MAD1L1: variants seen among roughly 807,000 people sequenced by gnomAD.
MAD1L1 encodes the protein mitotic spindle assembly checkpoint protein MAD1.
Under a neutral mutation model 96.9 loss-of-function variants are expected in MAD1L1, and 95 were observed. That is an observed-to-expected ratio of 0.98 (90% CI 0.83 to 1.16). MAD1L1 has a LOEUF of 1.16. Ranked by LOEUF, MAD1L1 falls within the 50% of genes most tolerant of loss-of-function variation. The pLI is 0.00. For missense variants in MAD1L1, 1,007 were observed against 954.4 expected (o/e 1.06, Z -0.73); for synonymous variants, 473 against 396.6 (o/e 1.19, Z -2.29).
chr7:2,027,289 G>C (rs1426885808), intron 12 of MAD1L1, among the ~76,000 whole-genome samples: 2 of 152,112 alleles, frequency 1.3e-5, no homozygotes, highest in Non-Finnish European at 2.9e-5. Context: ...GGTTAAAGAA[G>C]AAATATCACC....
At chr7:2,005,036 C>T (rs1781969397) in intron 13 of MAD1L1, among the ~76,000 whole-genome samples, 2 of 152,216 alleles carry the variant, frequency 1.3e-5, no homozygotes, top group South Asian at 4.1e-4. Context: ...CTGCTTGGAG[C>T]AGCTCCCGTG....
intron 10 of MAD1L1, among the ~76,000 whole-genome samples, chr7:2,185,364 A>T (rs1368342191): frequency 6.6e-6 from 1 of 152,262 alleles, no homozygotes; most frequent in Non-Finnish European, 1.5e-5. Context: ...AATTGATTGA[A>T]GGGACGAGAA....
intron 10 of MAD1L1, among the ~76,000 whole-genome samples, chr7:2,170,513 C>T (rs1010791235): frequency 6.6e-6 from 1 of 152,172 alleles, no homozygotes; most frequent in Admixed American, 6.5e-5. Context: ...CAGGCAATGG[C>T]AGGAGGCTTC....
chr7:1,957,113 G>A (rs921823723), intron 16 of MAD1L1, among the ~76,000 whole-genome samples: 31 of 152,342 alleles, frequency 2.0e-4, no homozygotes, highest in African/African-American at 6.5e-4. Context: ...ACAGGCCAGC[G>A]CGGCTCGGAG....
chr7:2,033,392 C>A (rs7803310), intron 12 of MAD1L1, among the ~76,000 whole-genome samples: 29,045 of 152,190 alleles, frequency 0.19, 5,468 homozygotes, highest in African/African-American at 0.48. Flanking sequence ...GGCTGTGGGC[C>A]CCGAAGCAGT....
intron 13 of MAD1L1, among the ~76,000 whole-genome samples, chr7:2,009,397 G>C (rs1219753436): frequency 6.6e-6 from 1 of 152,226 alleles, no homozygotes. Flanking sequence ...CTAGGGGAAG[G>C]CAGCCCCACC....
At chr7:1,821,303 T>C (rs1002402211) in intron 18 of MAD1L1, among the ~76,000 whole-genome samples, 3 of 152,106 alleles carry the variant, frequency 2.0e-5, no homozygotes, top group Admixed American at 2.0e-4. Context: ...AAATCAAGTT[T>C]GTTCTAATTA....
chr7:1,873,169 C>T (rs1340912980), intron 18 of MAD1L1, among the ~76,000 whole-genome samples: 2 of 152,206 alleles, frequency 1.3e-5, no homozygotes, highest in East Asian at 3.9e-4. Flanking sequence ...GCCTCAGTGT[C>T]CCTTTTCATA....
chr7:2,161,895 G>A (rs1163695538), intron 10 of MAD1L1, among the ~76,000 whole-genome samples: 3 of 147,638 alleles, frequency 2.0e-5, no homozygotes, highest in African/African-American at 5.1e-5. Context: ...GAGGTGGGGG[G>A]CAGCCCCCGC....
intron 10 of MAD1L1, among the ~76,000 whole-genome samples, chr7:2,176,755 T>C (rs1790967284): frequency 6.6e-6 from 1 of 152,218 alleles, no homozygotes; most frequent in Non-Finnish European, 1.5e-5. Flanking sequence ...CACAGGACAC[T>C]GTCAACATAG....
At chr7:1,856,906 G>A (rs1279753094) in intron 18 of MAD1L1, among the ~76,000 whole-genome samples, 1 of 152,138 alleles carries the variant, frequency 6.6e-6, no homozygotes, top group Non-Finnish European at 1.5e-5. Context: ...TGTCCCCAGG[G>A]AGGCCTTCAG....
intron 17 of MAD1L1, among the ~76,000 whole-genome samples, chr7:1,913,669 G>C (rs995783012): frequency 2.0e-5 from 3 of 152,050 alleles, no homozygotes; most frequent in African/African-American, 4.8e-5. Flanking sequence ...CAGCTGCTAT[G>C]GGGGGAGGGA....
At chr7:2,220,830 T>C in intron 5 of MAD1L1, 2 of 1,521,770 alleles carry the variant, frequency 1.3e-6, no homozygotes, top group Non-Finnish European at 1.8e-6. Context: ...ATTAAAAACA[T>C]ACTAACAATA....
intron 10 of MAD1L1, among the ~76,000 whole-genome samples, chr7:2,192,033 T>TAA (rs879327013): frequency 0.042 from 5,767 of 137,594 alleles, 376 homozygotes; most frequent in African/African-American, 0.14. Context: ...TCTGTCTCGA[T>TAA]AAAAAAAAAA....
intron 10 of MAD1L1, among the ~76,000 whole-genome samples, chr7:2,184,294 T>G (rs1791354590): frequency 6.6e-6 from 1 of 151,892 alleles, no homozygotes; most frequent in Non-Finnish European, 1.5e-5. Flanking sequence ...GGGCTCAACA[T>G]ATTCACTGAC....
intron 10 of MAD1L1, among the ~76,000 whole-genome samples, chr7:2,172,447 G>A (rs768705926): frequency 2.6e-5 from 4 of 152,296 alleles, no homozygotes; most frequent in Middle Eastern, 3.4e-3. Context: ...GTGCCGCTGC[G>A]AAAGGCCCCG....
At chr7:2,109,436 G>T (rs1787266880) in intron 11 of MAD1L1, 1 of 152,166 alleles carries the variant, frequency 6.6e-6, no homozygotes, top group South Asian at 2.1e-4. Flanking sequence ...TCAAGAGTGG[G>T]GCCCCAAGGA....
chr7:1,862,883 C>G (rs1008760384), intron 18 of MAD1L1, among the ~76,000 whole-genome samples: 2 of 152,236 alleles, frequency 1.3e-5, no homozygotes, highest in Non-Finnish European at 2.9e-5. Flanking sequence ...GGGCCCACAG[C>G]TACTTGCCGG....
intron 10 of MAD1L1, among the ~76,000 whole-genome samples, chr7:2,173,872 C>T (rs955479496): frequency 2.7e-4 from 41 of 152,202 alleles, no homozygotes; most frequent in African/African-American, 9.4e-4. Flanking sequence ...GGTCATAGCT[C>T]ACTGTGGCCT....
Sources: gnomAD v4.1 joint callset for allele counts (sites outside exome capture counted in the v4.1 genomes callset) on GRCh38, gnomAD v4.1.1 for gene constraint, MANE v1.5 for transcripts, NCBI Gene and HGNC (gene_info 2026-07-23, HGNC 2026-07-21) for gene names.